Variants in GPC6 observed in about 807,000 individuals in gnomAD.
GPC6 encodes glypican 6, also known as glypican-6.
In GPC6, 14 loss-of-function variants were observed where a neutral mutation model predicts 55.2. That is an observed-to-expected ratio of 0.25 (90% CI 0.17 to 0.40). GPC6 has a LOEUF of 0.40. GPC6 is among the 10% of genes least tolerant of loss of function. GPC6 has a pLI of 1.00. For missense variants in GPC6, 641 were observed against 708.5 expected (o/e 0.90, Z 1.08); for synonymous variants, 278 against 259.6 (o/e 1.07, Z -0.68).
At chr13:93,568,979 G>C (rs1197053202) in intron 2 of GPC6, among the ~76,000 whole-genome samples, 8 of 152,290 alleles carry the variant, frequency 5.3e-5, no homozygotes, top group East Asian at 1.9e-4. Flanking sequence ...AAAGGAACTT[G>C]TATCAAGTCC....
chr13:94,316,863 T>C lies in GPC6; in HGVS notation c.1152+10740T>C, dbSNP rs1566667547. The stretch of plus-strand genomic sequence containing the variant: ...TTGTATGACTTCATGTCATGTTTGC[T>C]TAGGCAAAGCGATTTTTCTGCTTTT... On this transcript the variant is annotated intron_variant, in intron 6 of 8. Transcript: ENST00000377047. Among the ~76,000 whole-genome samples the C allele has an allele frequency of 2.0e-5, 3 of 152,252 alleles. No individual in the cohort carries two copies. In the South Asian group the frequency reaches 6.2e-4, roughly 32 times the overall value.
intron 4 of GPC6, among the ~76,000 whole-genome samples, chr13:94,179,843 G>A (rs9524352): frequency 0.099 from 15,030 of 152,120 alleles, 920 homozygotes; most frequent in East Asian, 0.19. Flanking sequence ...GGGTAATAAT[G>A]TGTCTGCAGG....
chr13:93,315,870 T>G (rs1441025960), intron 1 of GPC6, among the ~76,000 whole-genome samples: 2 of 152,060 alleles, frequency 1.3e-5, no homozygotes, highest in African/African-American at 4.8e-5. Context: ...ATTTTGTTGA[T>G]GACATATATG....
chr13:94,314,914 A>C (rs1330594548), intron 6 of GPC6, among the ~76,000 whole-genome samples: 1 of 152,236 alleles, frequency 6.6e-6, no homozygotes, highest in Non-Finnish European at 1.5e-5. Flanking sequence ...TACTGCTAGC[A>C]ATAAACCTCA....
chr13:93,762,941 G>A (rs549581488), intron 2 of GPC6, among the ~76,000 whole-genome samples: 14 of 152,234 alleles, frequency 9.2e-5, no homozygotes, highest in East Asian at 1.9e-4. Context: ...GCTGAGATAC[G>A]ACTGACAAGC....
chr13:94,359,021 C>CT (rs1407811975), intron 6 of GPC6, among the ~76,000 whole-genome samples: 8 of 152,150 alleles, frequency 5.3e-5, no homozygotes, highest in African/African-American at 1.9e-4. Flanking sequence ...GAAGTTTGTC[C>CT]TTTCCTCTCG....
chr13:93,987,975 C>T (rs942524834), intron 3 of GPC6, among the ~76,000 whole-genome samples: 1 of 152,118 alleles, frequency 6.6e-6, no homozygotes, highest in African/African-American at 2.4e-5. Context: ...ACCTGTTCCA[C>T]ACTGCAGAGG....
At chr13:93,427,186 G>T (rs1012839753) in intron 1 of GPC6, among the ~76,000 whole-genome samples, 1 of 151,994 alleles carries the variant, frequency 6.6e-6, no homozygotes, top group African/African-American at 2.4e-5. Context: ...CATTTTGTAG[G>T]TTGCCTCTTA....
At chr13:93,505,743 AG>A (rs1031783223) in intron 1 of GPC6, among the ~76,000 whole-genome samples, 7 of 152,184 alleles carry the variant, frequency 4.6e-5, no homozygotes, top group African/African-American at 1.7e-4. Flanking sequence ...AATTGAAACA[AG>A]GCAAAGCATT....
chr13:94,079,720 G>T (rs1885040995), intron 4 of GPC6, among the ~76,000 whole-genome samples: 1 of 152,174 alleles, frequency 6.6e-6, no homozygotes, highest in Non-Finnish European at 1.5e-5. Context: ...CTTCCTCAGA[G>T]TTCCATAACC....
chr13:93,973,069 C>G (rs1031130135), intron 3 of GPC6, among the ~76,000 whole-genome samples: 1 of 152,072 alleles, frequency 6.6e-6, no homozygotes, highest in African/African-American at 2.4e-5. Flanking sequence ...TGCTTAATGA[C>G]AGGGATACCT....
At chr13:93,932,973 CT>C (rs59362571) in intron 3 of GPC6, among the ~76,000 whole-genome samples, 2,655 of 102,366 alleles carry the variant, frequency 0.026, 50 homozygotes, top group African/African-American at 0.082. Flanking sequence ...TTGTTTTGTT[CT>C]TTTTTTTTTT....
At chr13:93,700,111 GA>G (rs1390281925) in intron 2 of GPC6, among the ~76,000 whole-genome samples, 1 of 151,976 alleles carries the variant, frequency 6.6e-6, no homozygotes, top group Non-Finnish European at 1.5e-5. Context: ...TTAAGTCCAA[GA>G]AAAAAATGTG....
At chr13:94,048,816 T>C (rs1166559560) in intron 4 of GPC6, among the ~76,000 whole-genome samples, 1 of 152,084 alleles carries the variant, frequency 6.6e-6, no homozygotes, top group East Asian at 1.9e-4. Context: ...CTTCCCACTG[T>C]GGACCCCATG....
chr13:93,781,005 C>T (rs958290437), intron 2 of GPC6, among the ~76,000 whole-genome samples: 17 of 152,110 alleles, frequency 1.1e-4, no homozygotes, highest in Admixed American at 9.2e-4. Context: ...TGGCCGGGTG[C>T]GGTGGCTCAT....
chr13:94,394,136 A>G (rs1594237960), intron 7 of GPC6, among the ~76,000 whole-genome samples: 2 of 152,340 alleles, frequency 1.3e-5, no homozygotes, highest in Middle Eastern at 3.4e-3. Context: ...CACATTTATA[A>G]TATGCAGTTA....
At chr13:93,892,183 C>G (rs549116269) in intron 3 of GPC6, among the ~76,000 whole-genome samples, 1 of 152,110 alleles carries the variant, frequency 6.6e-6, no homozygotes, top group South Asian at 2.1e-4. Flanking sequence ...GACAGATATA[C>G]TAAGCCATCC....
intron 2 of GPC6, among the ~76,000 whole-genome samples, chr13:93,820,549 T>C (rs1887008495): frequency 6.6e-6 from 1 of 152,020 alleles, no homozygotes; most frequent in Non-Finnish European, 1.5e-5. Context: ...CCTTTGATAG[T>C]TTTTGTAAGA....
intron 1 of GPC6, among the ~76,000 whole-genome samples, chr13:93,305,935 A>T (rs1035996060): frequency 6.6e-6 from 1 of 152,216 alleles, no homozygotes; most frequent in African/African-American, 2.4e-5. Flanking sequence ...AAAATATTAA[A>T]ACCAAAGAGC....
Sources: allele counts gnomAD v4.1 joint callset (sites outside exome capture counted in the v4.1 genomes callset), GRCh38; gene constraint gnomAD v4.1.1; transcripts MANE v1.5; gene names NCBI Gene and HGNC (gene_info 2026-07-23, HGNC 2026-07-21).